CCDC42: variants seen among roughly 807,000 people sequenced by gnomAD.
The protein encoded by CCDC42 is coiled-coil domain containing 42.
A neutral mutation model predicts 40.8 loss-of-function variants in CCDC42; 38 were observed. The ratio of observed to expected loss-of-function variants is 0.93; its 90% CI spans 0.72 to 1.22. The LOEUF is 1.22. CCDC42 is among the 50% of genes most tolerant of loss of function. CCDC42 has a pLI of 0.00. For synonymous variants in CCDC42, 135 were observed against 157.5 expected (o/e 0.86, Z 1.07); for missense variants, 379 against 416.5 (o/e 0.91, Z 0.78).
chr17:8,730,716 G>C (rs1377032832), intron 6 of CCDC42, among the ~76,000 whole-genome samples: 1 of 152,114 alleles, frequency 6.6e-6, no homozygotes, highest in Non-Finnish European at 1.5e-5. Context: ...GGGTGTAGCC[G>C]ATGAGAAGCA....
intron 3 of CCDC42, among the ~76,000 whole-genome samples, chr17:8,741,915 A>C (rs1047766875): frequency 2.0e-5 from 3 of 152,042 alleles, no homozygotes; most frequent in Non-Finnish European, 4.4e-5. Context: ...GGCTGTGAGG[A>C]CAGAGGTTTA....
At position 8,735,570 on chromosome 17, in the gene CCDC42, CA is replaced by C. The variant is rs761492172; in HGVS notation, c.533del (p.Leu178ArgfsTer2). On this transcript the variant is annotated frameshift_variant, in exon 5 of 7. Coordinates refer to ENST00000293845, the MANE Select transcript of CCDC42 (RefSeq NM_144681.3). LOFTEE classifies it high-confidence loss of function. This position sits in a 1 kb window ranked among gnomAD's most constrained non-coding sequence, Gnocchi z 4.7. ...IHEVIARYKT[L>X]VSMRHDLMQS... is the part of the protein sequence containing the mutation. ...GCATGAGGTCGTGGCGCATGCTCACCAGCGTCTTGTAGCGTGCAATCACCTC... is the reference window on the plus strand; with the variant it reads ...GCATGAGGTCGTGGCGCATGCTCACCGCGTCTTGTAGCGTGCAATCACCTC... 6.2e-6 allele frequency: 10 copies of C among 1,614,140 alleles called. No individual in the cohort carries two copies.
chr17:8,743,249 G>A (rs1162758319), intron 3 of CCDC42, among the ~76,000 whole-genome samples: 2 of 152,232 alleles, frequency 1.3e-5, no homozygotes, highest in East Asian at 3.8e-4. Context: ...AGGATGGAGG[G>A]GTGGGGTGGG....
At chr17:8,744,502 G>C in intron 1 of CCDC42, 25 bp downstream of exon 1, 5 of 1,595,838 alleles carry the variant, frequency 3.1e-6, no homozygotes, top group Non-Finnish European at 4.3e-6. Flanking sequence ...CAGAGGGGTG[G>C]GCAAGCCAGG....
Position 8,735,485 on chromosome 17 carries a change from T to G in CCDC42, c.619A>C (p.Met207Leu). The G allele has an allele frequency of 1.2e-6, 2 of 1,614,124 alleles. No homozygotes were observed. Among genetic ancestry groups the G allele is most frequent in the Non-Finnish European group, 1.7e-6 (2 of 1,180,034 alleles). The change falls in exon 5 of 7, where the codon ATG (methionine) becomes CTG (leucine). Residue 207 changes from methionine (M) to leucine (L), a missense_variant. By Grantham distance (15) the Met-to-Leu change is conservative. Transcript: ENST00000293845. The surrounding 1 kb of genome is among the most constrained non-coding windows in gnomAD (Gnocchi z 4.7). ...AGGATCTCATCATCCTTTTCCTCCATGTAGCGCGCCAGCCGGGCCTTGGCG... is the reference window on the plus strand; with the variant it reads ...AGGATCTCATCATCCTTTTCCTCCAGGTAGCGCGCCAGCCGGGCCTTGGCG... ...ERAKARLARY[M>L]EEKDDEILQQ...
chr17:8,743,075 T>C (rs2086654835), intron 3 of CCDC42, among the ~76,000 whole-genome samples: 1 of 152,168 alleles, frequency 6.6e-6, no homozygotes, highest in South Asian at 2.1e-4. Flanking sequence ...GACCAGGCCC[T>C]TCAGGGCTGC....
Position 8,735,280 on chromosome 17 carries a change from T to G in CCDC42, c.715-26A>C. ...CTGGAGAGTGGATAAGGACGGGGCA[T>G]GAGCACAGCATGTGGTGTGTGTGTG... On this transcript the variant is annotated intron_variant, in intron 5 of 6. Coordinates refer to ENST00000293845, the MANE Select transcript of CCDC42 (RefSeq NM_144681.3). This position sits in a 1 kb window ranked among gnomAD's most constrained non-coding sequence, Gnocchi z 4.7. The G allele has an allele frequency of 6.2e-7, 1 of 1,613,912 alleles. No individual in the cohort carries two copies. The highest frequency in any genetic ancestry group is 2.2e-5 in the East Asian group (1 of 44,862).
intron 6 of CCDC42, among the ~76,000 whole-genome samples, chr17:8,732,071 C>T (rs1032874455): frequency 2.0e-5 from 3 of 151,952 alleles, no homozygotes; most frequent in Admixed American, 6.6e-5. Context: ...GAGGCCGAGG[C>T]GGGCGGATCA....
Position 8,737,060 on chromosome 17 carries a change from G to GAAA in CCDC42, c.493-1452_493-1450dup, listed in dbSNP as rs143457647. On this transcript the variant is annotated intron_variant, in intron 4 of 6. Coordinates refer to ENST00000293845, the MANE Select transcript of CCDC42 (RefSeq NM_144681.3). ...GGGAGGAAGGAAGGGAAAGAAAAAAGAAAAGAAAAAGGAAAGAAAGAAAAA... is the reference window on the plus strand; with the variant it reads ...GGGAGGAAGGAAGGGAAAGAAAAAAGAAAAAAAGAAAAAGGAAAGAAAGAAAAA... 3.4e-4 allele frequency among the ~76,000 whole-genome samples: 51 copies of GAAA among 149,778 alleles called. 1 individual carries two copies. The highest frequency in any genetic ancestry group is 1.0e-3 in the African/African-American group (42 of 40,746).
intron 4 of CCDC42, among the ~76,000 whole-genome samples, chr17:8,738,726 A>G (rs945843790): frequency 1.3e-5 from 2 of 152,130 alleles, no homozygotes; most frequent in Non-Finnish European, 2.9e-5. Context: ...GGCCTCCCCA[A>G]AGTGCTGGGA....
intron 4 of CCDC42, among the ~76,000 whole-genome samples, chr17:8,739,105 A>C (rs375851099): frequency 6.6e-6 from 1 of 152,190 alleles, no homozygotes; most frequent in South Asian, 2.1e-4. Flanking sequence ...AAAATAAAGA[A>C]GAAAAAAGAG....
In CCDC42 at chr17:8,735,414, A is replaced by G. The variant is rs2152142732; in HGVS notation, c.690T>C (p.Arg230=). Residue 230 remains arginine, a synonymous_variant, in exon 5 of 7, where the codon CGT becomes CGC. Transcript: ENST00000293845. This position sits in a 1 kb window ranked among gnomAD's most constrained non-coding sequence, Gnocchi z 4.7. ...CCCAGAAGATGACATTGCTGCGGGCACGGTCAAAGCGCATCTGCAGCCTTG... is the reference window on the plus strand; with the variant it reads ...CCCAGAAGATGACATTGCTGCGGGCGCGGTCAAAGCGCATCTGCAGCCTTG... The part of the protein sequence containing the change: ...ELARLQMRFD[R]ARSNVIFWES... 1 of 1,613,938 alleles carries G rather than the reference A, an allele frequency of 6.2e-7. No homozygotes were observed. Among genetic ancestry groups the G allele is most frequent in the Non-Finnish European group, 8.5e-7 (1 of 1,180,006 alleles).
chr17:8,738,882 G>C (rs372567497), intron 4 of CCDC42, among the ~76,000 whole-genome samples: 1 of 152,320 alleles, frequency 6.6e-6, no homozygotes, highest in Middle Eastern at 3.4e-3. Context: ...CAGGATACTC[G>C]TGATGTCTGA....
At chr17:8,734,494 T>A (rs928537091) in intron 6 of CCDC42, among the ~76,000 whole-genome samples, 4 of 152,156 alleles carry the variant, frequency 2.6e-5, no homozygotes, top group Admixed American at 6.5e-5. Context: ...CACTTTTTTT[T>A]TTTTTTTGGA....
chr17:8,733,652 G>A (rs561704743), intron 6 of CCDC42, among the ~76,000 whole-genome samples: 18 of 152,236 alleles, frequency 1.2e-4, no homozygotes, highest in African/African-American at 9.6e-5. Context: ...CACCATGCCC[G>A]GCTAATTTTT....
chr17:8,732,181 C>A (rs1182177918), intron 6 of CCDC42, among the ~76,000 whole-genome samples: 1 of 151,458 alleles, frequency 6.6e-6, no homozygotes, highest in Non-Finnish European at 1.5e-5. Context: ...CGCCTGTAGT[C>A]CCAGCTACTC....
At chr17:8,736,589 G>C (rs147851713) in intron 4 of CCDC42, among the ~76,000 whole-genome samples, 1 of 152,202 alleles carries the variant, frequency 6.6e-6, no homozygotes, top group Admixed American at 6.5e-5. Flanking sequence ...TCCATCTCGT[G>C]ACATCTCCAG....
chr17:8,744,428 C>T (rs1461802771), intron 1 of CCDC42, 99 bp downstream of exon 1: 5 of 1,021,606 alleles, frequency 4.9e-6, no homozygotes, highest in Non-Finnish European at 7.5e-6. Context: ...CACTGGGTTA[C>T]AGGAGAGGAG....
chr17:8,743,721 G>C lies in CCDC42; in HGVS notation c.199C>G (p.Arg67Gly), dbSNP rs956275224. 2 of 1,596,572 alleles carry C rather than the reference G, an allele frequency of 1.3e-6. No individual in the cohort carries two copies. The highest frequency in any genetic ancestry group is 1.7e-5 in the Admixed American group (1 of 59,968). Reference sequence around the variant, plus strand: ...CGCAGGTTCAGGGTTTCCATTCTGCGCTGAAACATCTTTGGGGTGGGGGTG... The same window carrying C: ...CGCAGGTTCAGGGTTTCCATTCTGCCCTGAAACATCTTTGGGGTGGGGGTG... Reference protein sequence around the residue: ...TMVQKKKMFQRRMETLNLRWE... With the variant: ...TMVQKKKMFQGRMETLNLRWE... Residue 67 changes from arginine (R) to glycine (G), a missense_variant, in exon 3 of 7, where the codon CGC becomes GGC. Transcript: ENST00000293845.
Sources: allele counts gnomAD v4.1 joint callset (sites outside exome capture counted in the v4.1 genomes callset), GRCh38; gene constraint gnomAD v4.1.1; non-coding constraint Gnocchi (gnomAD v3.1); transcripts MANE v1.5; gene names NCBI Gene and HGNC (gene_info 2026-07-23, HGNC 2026-07-21).